Variants in ACTR3C observed in about 807,000 individuals in gnomAD.
ACTR3C encodes the protein actin-related protein 3C.
In ACTR3C, 18 loss-of-function variants were observed where a neutral mutation model predicts 26.3. The ratio of observed to expected loss-of-function variants is 0.68; its 90% CI spans 0.47 to 1.01. The LOEUF (loss-of-function observed/expected upper bound fraction) is 1.01, where lower values mean the gene tolerates loss of function less well. Ranked by LOEUF, ACTR3C falls within the 50% of genes least tolerant of loss-of-function variation. The pLI, the probability that ACTR3C is intolerant of heterozygous loss-of-function variation, is 0.00. For synonymous variants in ACTR3C, 55 were observed against 94.5 expected (o/e 0.58, Z 2.42); for missense variants, 184 against 250.7 (o/e 0.73, Z 1.80).
the ACTR3C span, among the ~76,000 whole-genome samples, chr7:150,153,480 C>T: frequency 7.1e-6 from 1 of 141,068 alleles, no homozygotes; most frequent in South Asian, 2.5e-4. Flanking sequence ...AAATGCTCAC[C>T]ATCACTGGCC....
chr7:150,127,041 T>G, the ACTR3C span, among the ~76,000 whole-genome samples: 4 of 152,172 alleles, frequency 2.6e-5, no homozygotes, highest in African/African-American at 9.6e-5. Context: ...TAGTCCACAC[T>G]CTGTTCTGAA....
chr7:149,945,479 C>T, the ACTR3C span, among the ~76,000 whole-genome samples: 3 of 152,218 alleles, frequency 2.0e-5, no homozygotes, highest in African/African-American at 7.2e-5. Context: ...TTGCCAGTCA[C>T]AGGCTTACAA....
At chr7:150,158,879 C>T in the ACTR3C span, among the ~76,000 whole-genome samples, 5 of 150,500 alleles carry the variant, frequency 3.3e-5, no homozygotes, top group African/African-American at 9.8e-5. Context: ...CACACACGTG[C>T]ACACAGACGC....
At chr7:150,039,063 T>C in the ACTR3C span, among the ~76,000 whole-genome samples, 23 of 142,258 alleles carry the variant, frequency 1.6e-4, no homozygotes, top group Admixed American at 1.2e-3. Flanking sequence ...GTCGGAAGAT[T>C]TGAACTTTCT....
the ACTR3C span, among the ~76,000 whole-genome samples, chr7:150,181,625 C>A: frequency 1.3e-5 from 2 of 150,592 alleles, no homozygotes; most frequent in Non-Finnish European, 2.9e-5. Flanking sequence ...ATATATATAG[C>A]ACCCATTTCC....
chr7:150,082,860 G>A, the ACTR3C span, among the ~76,000 whole-genome samples: 3 of 151,528 alleles, frequency 2.0e-5, no homozygotes, highest in East Asian at 5.8e-4. Context: ...GCAAATGGAA[G>A]CACAGGATCA....
At chr7:150,078,264 T>C in the ACTR3C span, among the ~76,000 whole-genome samples, 1 of 149,462 alleles carries the variant, frequency 6.7e-6, no homozygotes, top group African/African-American at 2.5e-5. Flanking sequence ...CAAATGCAAG[T>C]GTCCCCTACT....
At chr7:150,189,338 ATAGAGT>A in the ACTR3C span, among the ~76,000 whole-genome samples, 34 of 152,176 alleles carry the variant, frequency 2.2e-4, no homozygotes, top group African/African-American at 7.7e-4. Context: ...CTCATCTATA[ATAGAGT>A]TAGTTTCATT....
At chr7:149,931,108 C>T in the ACTR3C span, among the ~76,000 whole-genome samples, 3,477 of 152,130 alleles carry the variant, frequency 0.023, 45 homozygotes, top group African/African-American at 0.078. Context: ...TCAGGTGATC[C>T]ACCTGCCTCA....
chr7:150,198,766 C>G, the ACTR3C span, among the ~76,000 whole-genome samples: 1 of 145,182 alleles, frequency 6.9e-6, no homozygotes, highest in African/African-American at 2.7e-5. Flanking sequence ...GGGGGGTCAG[C>G]CCCCCGCCTG....
the ACTR3C span, among the ~76,000 whole-genome samples, chr7:150,113,226 A>G: frequency 6.7e-5 from 10 of 149,250 alleles, no homozygotes; most frequent in African/African-American, 2.5e-4. Flanking sequence ...AATGAGACTG[A>G]CATTTAGTTT....
chr7:150,273,255 T>C (rs1032526726), intron 6 of ACTR3C, among the ~76,000 whole-genome samples: 5 of 138,948 alleles, frequency 3.6e-5, no homozygotes, highest in African/African-American at 1.6e-4. Context: ...CACTGCTTTA[T>C]TTCACTGCTT....
At chr7:150,186,278 A>G in the ACTR3C span, among the ~76,000 whole-genome samples, 11 of 152,328 alleles carry the variant, frequency 7.2e-5, no homozygotes, top group Non-Finnish European at 8.8e-5. Context: ...AAGTAATTAT[A>G]ATAAATATGT....
rs758730648 is a variant in ACTR3C, at chr7:150,248,961, C to T, written c.*25G>A. The T allele has an allele frequency of 1.7e-5, 10 of 601,228 alleles. No homozygotes were observed. Among genetic ancestry groups the T allele is most frequent in the African/African-American group, 1.1e-4 (6 of 53,356 alleles). The allele number at this position is 601,228 out of a possible 1,614,324, so 37.2% of individuals were successfully genotyped here. On this transcript the variant is annotated 3_prime_UTR_variant, in exon 7 of 8. Coordinates refer to ENST00000683684, the MANE Select transcript of ACTR3C (RefSeq NM_001164458.2). ...TCATGAGAATACCTCAAATAAAAGG[C>T]TACGCATGGGCTCAATATATCATCT...
chr7:150,307,701 A>C (rs906147228), intron 1 of ACTR3C, among the ~76,000 whole-genome samples: 6 of 152,176 alleles, frequency 3.9e-5, no homozygotes, highest in African/African-American at 1.4e-4. Flanking sequence ...GAGGCGCTTG[A>C]CATTTGGTGC....
the ACTR3C span, among the ~76,000 whole-genome samples, chr7:150,039,302 CCAACAGCCAGGGGCGGAAGAGGGGA>C: frequency 5.3e-5 from 8 of 150,356 alleles, no homozygotes; most frequent in African/African-American, 2.0e-4. Context: ...GATGGGGGTA[CCAACAGCCAGGGGCGGAAGAGGGGA>C]TAGCTCTCAG....
At chr7:150,248,455 G>A (rs2129608930) in intron 7 of ACTR3C, 1 of 152,172 alleles carries the variant, frequency 6.6e-6, no homozygotes, top group African/African-American at 2.4e-5. Context: ...GAGATCAGGA[G>A]ATCGAGAACA....
chr7:150,305,985 G>A (rs1232199801), intron 1 of ACTR3C, among the ~76,000 whole-genome samples: 10 of 151,938 alleles, frequency 6.6e-5, no homozygotes, highest in African/African-American at 9.7e-5. Context: ...ATTAACATAC[G>A]GTTAAGGACA....
At position 150,258,064 on chromosome 7, in the gene ACTR3C, T is replaced by A. The variant is rs1210133967; in HGVS notation, c.565-9010A>T. On this transcript the variant is annotated intron_variant, in intron 6 of 7. Coordinates refer to ENST00000683684, the MANE Select transcript of ACTR3C (RefSeq NM_001164458.2). The stretch of plus-strand genomic sequence containing the variant: ...GAGATGGTTAATAGAGTGTCTGTAG[T>A]GGGTAAATGAATAGGCAGCCAAGAA... 2.0e-5 allele frequency among the ~76,000 whole-genome samples: 3 copies of A among 152,038 alleles called. No homozygotes were observed. The East Asian group carries it at 5.8e-4, about 29-fold the overall frequency.
Sources: gnomAD v4.1 joint callset for allele counts (sites outside exome capture counted in the v4.1 genomes callset) on GRCh38, gnomAD v4.1.1 for gene constraint, MANE v1.5 for transcripts, NCBI Gene and HGNC (gene_info 2026-07-23, HGNC 2026-07-21) for gene names.